ATP11A: variants seen among roughly 807,000 people sequenced by gnomAD.
The protein encoded by ATP11A is ATPase phospholipid transporting 11A.
ATP11A carries 81 observed loss-of-function variants against 154.4 expected under a neutral mutation model. The ratio of observed to expected loss-of-function variants is 0.52; its 90% CI spans 0.44 to 0.63. The LOEUF is 0.63. Ranked by LOEUF, ATP11A falls within the 30% of genes least tolerant of loss-of-function variation. The pLI is 0.00. For missense variants in ATP11A, 1,316 were observed against 1,474.3 expected, an observed-to-expected ratio of 0.89 and a Z score of 1.76; for synonymous variants, 623 against 585.9, an observed-to-expected ratio of 1.06 and a Z score of -0.91.
intron 1 of ATP11A, among the ~76,000 whole-genome samples, chr13:112,741,011 C>T (rs1460782555): frequency 6.6e-6 from 1 of 152,232 alleles, no homozygotes; most frequent in African/African-American, 2.4e-5. Context: ...ACAAGCAAGG[C>T]ACAGCACGGG....
chr13:112,719,189 G>A (rs188122531), intron 1 of ATP11A, among the ~76,000 whole-genome samples: 6 of 152,118 alleles, frequency 3.9e-5, no homozygotes, highest in Non-Finnish European at 2.9e-5. Flanking sequence ...GTCAAAGACC[G>A]TCTTGGTGAA....
intron 12 of ATP11A, among the ~76,000 whole-genome samples, chr13:112,830,196 C>T (rs983841052): frequency 9.2e-5 from 14 of 152,266 alleles, no homozygotes; most frequent in Non-Finnish European, 1.6e-4. Context: ...AGAAATATGC[C>T]ACCTATTTAG....
chr13:112,787,647 GTGTAGA>G, intron 2 of ATP11A, among the ~76,000 whole-genome samples: 2 of 133,718 alleles, frequency 1.5e-5, no homozygotes, highest in East Asian at 2.3e-4. Context: ...GTGTCCTGAT[GTGTAGA>G]CCCCTGTGGA....
Position 112,808,042 on chromosome 13 carries a change from T to G in ATP11A, c.333+1749T>G, listed in dbSNP as rs74115493. Among the ~76,000 whole-genome samples, 356 of 151,880 alleles carry G rather than the reference T, an allele frequency of 2.3e-3. 2 individuals are homozygous for G. The highest frequency in any genetic ancestry group is 8.2e-3 in the African/African-American group (341 of 41,422). ...TCCTGGAGGAGAGGAGAGGAGAGCG[T>G]GGAGTAGGGAGGGCGGCTCTGAAGA... On this transcript the variant is annotated intron_variant, in intron 4 of 29. Transcript: ENST00000375645.
At chr13:112,847,054 G>A (rs2079629931) in intron 17 of ATP11A, among the ~76,000 whole-genome samples, 1 of 152,194 alleles carries the variant, frequency 6.6e-6, no homozygotes, top group Non-Finnish European at 1.5e-5. Flanking sequence ...TCTGGTGCTT[G>A]TTCCCTTGAC....
rs1451510246 is a variant in ATP11A, at chr13:112,859,523, G to A, written c.2727+71G>A. The stretch of plus-strand genomic sequence containing the variant: ...CCTTCCCGCAGTGGGTGGCTGCTGT[G>A]GGGAGGGGAGACTTGGGAATGAGCA... On this transcript the variant is annotated intron_variant, in intron 23 of 29. Transcript: ENST00000375645. The surrounding 1 kb of genome is among the most constrained non-coding windows in gnomAD (Gnocchi z 4.3). The A allele has an allele frequency of 7.6e-7, 1 of 1,319,082 alleles. No individual in the cohort carries two copies. Among genetic ancestry groups the A allele is most frequent in the Non-Finnish European group, 1.1e-6 (1 of 912,168 alleles). 81.7% of individuals were successfully genotyped at this position (1,319,082 alleles called of 1,614,324 possible). A position where few individuals can be genotyped will look rare whatever the true frequency, so the allele number is the denominator to read the frequency against.
In ATP11A at chr13:112,753,861, G is replaced by C. The variant is rs111948169; in HGVS notation, c.40-31274G>C. Among the ~76,000 whole-genome samples the C allele has an allele frequency of 0.014, 2,116 of 152,258 alleles. 45 individuals carry two copies. The highest frequency in any genetic ancestry group is 0.04 in the African/African-American group (1,647 of 41,534). On this transcript the variant is annotated intron_variant, in intron 1 of 29. Coordinates refer to ENST00000375645, the MANE Select transcript of ATP11A (RefSeq NM_015205.3). The surrounding 1 kb of genome is among the most constrained non-coding windows in gnomAD (Gnocchi z 4.1). Reference sequence around the variant, plus strand: ...ATGTTAGAAGCGCTTTTTCCAAAATGCAATGTAGAGTTATTTAAATTTAAA... The same window carrying C: ...ATGTTAGAAGCGCTTTTTCCAAAATCCAATGTAGAGTTATTTAAATTTAAA...
chr13:112,874,096 C>T (rs1386419428), intron 27 of ATP11A, among the ~76,000 whole-genome samples: 1 of 152,254 alleles, frequency 6.6e-6, no homozygotes, highest in Non-Finnish European at 1.5e-5. Flanking sequence ...AGGCATTCGA[C>T]AGGTCCTGTC....
intron 5 of ATP11A, among the ~76,000 whole-genome samples, chr13:112,814,176 G>T (rs2140175246): frequency 6.6e-6 from 1 of 152,046 alleles, no homozygotes; most frequent in East Asian, 1.9e-4. Context: ...CTATTCTCCT[G>T]CCTCAGCCTC....
intron 2 of ATP11A, among the ~76,000 whole-genome samples, chr13:112,790,857 G>T (rs1214576257): frequency 6.6e-6 from 1 of 152,142 alleles, no homozygotes; most frequent in Non-Finnish European, 1.5e-5. Context: ...TTTTTTATGG[G>T]ATTAATTTGT....
At chr13:112,724,678 G>C (rs1889614125) in intron 1 of ATP11A, among the ~76,000 whole-genome samples, 1 of 152,018 alleles carries the variant, frequency 6.6e-6, no homozygotes. Flanking sequence ...CCCTGTCCTG[G>C]GGTGAGGCCG....
At chr13:112,816,278 G>C in intron 6 of ATP11A, 67 bp downstream of exon 6, 3 of 1,595,248 alleles carry the variant, frequency 1.9e-6, no homozygotes, top group Non-Finnish European at 2.6e-6. Context: ...GTGCCCATGC[G>C]GCCACAGAAA....
At chr13:112,795,400 A>T (rs1211687143) in intron 2 of ATP11A, among the ~76,000 whole-genome samples, 1 of 152,178 alleles carries the variant, frequency 6.6e-6, no homozygotes, top group South Asian at 2.1e-4. Context: ...AACTTTCAAA[A>T]CCATAGAGAG....
At chr13:112,791,328 C>T (rs901953291) in intron 2 of ATP11A, among the ~76,000 whole-genome samples, 8 of 152,242 alleles carry the variant, frequency 5.3e-5, no homozygotes, top group Admixed American at 2.0e-4. Context: ...GGATGGGGGC[C>T]GTGAAGGCAT....
At chr13:112,745,784 C>T (rs1286336112) in intron 1 of ATP11A, 3 of 152,020 alleles carry the variant, frequency 2.0e-5, no homozygotes, top group African/African-American at 7.3e-5. Flanking sequence ...GTAAAAAAAG[C>T]ATGCATGGAA....
At chr13:112,723,718 C>T (rs984047002) in intron 1 of ATP11A, among the ~76,000 whole-genome samples, 1 of 151,996 alleles carries the variant, frequency 6.6e-6, no homozygotes, top group Non-Finnish European at 1.5e-5. Context: ...TTCTGGGGTT[C>T]CCTTGACCAA....
At chr13:112,872,714 G>A (rs576573199) in intron 26 of ATP11A, among the ~76,000 whole-genome samples, 8 of 152,246 alleles carry the variant, frequency 5.3e-5, no homozygotes, top group South Asian at 2.1e-4. Flanking sequence ...TCTGTGGCCC[G>A]CATGCTGCCA....
intron 14 of ATP11A, among the ~76,000 whole-genome samples, chr13:112,833,553 C>T (rs1330764965): frequency 6.6e-6 from 1 of 152,164 alleles, no homozygotes; most frequent in Non-Finnish European, 1.5e-5. Context: ...ATCCATCCAG[C>T]TCATGACTTC....
intron 17 of ATP11A, among the ~76,000 whole-genome samples, chr13:112,847,209 C>T (rs776522288): frequency 6.6e-6 from 1 of 152,162 alleles, no homozygotes; most frequent in African/African-American, 2.4e-5. Context: ...GAAATAATTA[C>T]AGATTTAGGA....
Sources: gnomAD v4.1 joint callset for allele counts (sites outside exome capture counted in the v4.1 genomes callset) on GRCh38, gnomAD v4.1.1 for gene constraint, Gnocchi (gnomAD v3.1) non-coding constraint, MANE v1.5 for transcripts, NCBI Gene and HGNC (gene_info 2026-07-23, HGNC 2026-07-21) for gene names.